Variants in PPP3CA observed in about 807,000 individuals in gnomAD.
PPP3CA encodes the protein protein phosphatase 3 catalytic subunit alpha.
PPP3CA carries 14 observed loss-of-function variants against 66.5 expected under a neutral mutation model. That is an observed-to-expected ratio of 0.21 (90% confidence interval 0.14 to 0.33). The LOEUF (loss-of-function observed/expected upper bound fraction) is 0.33. Among genes scored for constraint, PPP3CA ranks in the 10% least tolerant of loss-of-function variants. PPP3CA has a pLI of 1.00. For missense variants in PPP3CA, 317 were observed against 639.5 expected (o/e 0.50, Z 5.44); for synonymous variants, 232 against 226.2 (o/e 1.03, Z -0.23).
intron 2 of PPP3CA, among the ~76,000 whole-genome samples, chr4:101,128,147 G>A (rs970221939): frequency 6.6e-6 from 1 of 152,162 alleles, no homozygotes; most frequent in Non-Finnish European, 1.5e-5. Flanking sequence ...TGTGCCCTGA[G>A]AGCTAACATA....
At chr4:101,310,551 T>C (rs527927066) in intron 1 of PPP3CA, among the ~76,000 whole-genome samples, 105 of 152,194 alleles carry the variant, frequency 6.9e-4, no homozygotes, top group African/African-American at 2.4e-3. Context: ...GTGTCACCCA[T>C]AGTTCTAGCT....
intron 1 of PPP3CA, among the ~76,000 whole-genome samples, chr4:101,250,955 A>G (rs1726656133): frequency 6.6e-6 from 1 of 152,126 alleles, no homozygotes; most frequent in Non-Finnish European, 1.5e-5. Flanking sequence ...CAAAGGAAAG[A>G]AAAAAAGAAA....
intron 2 of PPP3CA, among the ~76,000 whole-genome samples, chr4:101,185,983 C>T (rs909481788): frequency 1.3e-5 from 2 of 152,158 alleles, no homozygotes; most frequent in South Asian, 2.1e-4. Context: ...GAAATATTAG[C>T]TCCTATCTAA....
chr4:101,129,497 C>A (rs1722358140), intron 2 of PPP3CA, among the ~76,000 whole-genome samples: 1 of 152,170 alleles, frequency 6.6e-6, no homozygotes, highest in African/African-American at 2.4e-5. Context: ...TATAGGAAAG[C>A]TCTGGCTGGC....
chr4:101,130,499 G>C (rs1320193951), intron 2 of PPP3CA, among the ~76,000 whole-genome samples: 2 of 152,172 alleles, frequency 1.3e-5, no homozygotes, highest in South Asian at 2.1e-4. Context: ...AGCAGCCAGA[G>C]AGAATGGTTG....
At chr4:101,333,270 GTTTTTTTTT>G (rs70961788) in intron 1 of PPP3CA, among the ~76,000 whole-genome samples, 2,514 of 47,050 alleles carry the variant, frequency 0.053, 99 homozygotes, top group African/African-American at 0.15. Context: ...ACCATGCCCA[GTTTTTTTTT>G]TTTTTTTTTT....
At chr4:101,174,967 G>A (rs1724011108) in intron 2 of PPP3CA, among the ~76,000 whole-genome samples, 3 of 152,130 alleles carry the variant, frequency 2.0e-5, no homozygotes, top group Non-Finnish European at 1.5e-5. Context: ...CTATAAAGGG[G>A]TGTACTTTGT....
At chr4:101,209,155 T>C (rs1390345434) in intron 1 of PPP3CA, among the ~76,000 whole-genome samples, 1 of 152,144 alleles carries the variant, frequency 6.6e-6, no homozygotes, top group African/African-American at 2.4e-5. Context: ...ATAATAGAGA[T>C]TTTAACAGTC....
intron 2 of PPP3CA, among the ~76,000 whole-genome samples, chr4:101,190,918 A>G (rs143012088): frequency 2.4e-4 from 37 of 152,296 alleles, no homozygotes; most frequent in African/African-American, 8.7e-4. Flanking sequence ...TTTCTTCAGT[A>G]ATGAGCAGGA....
At chr4:101,188,367 A>T (rs1232198816) in intron 2 of PPP3CA, among the ~76,000 whole-genome samples, 6 of 152,006 alleles carry the variant, frequency 3.9e-5, no homozygotes, top group Admixed American at 1.3e-4. Flanking sequence ...TCTATCTAAA[A>T]TTTTTCTTCC....
Position 101,098,357 on chromosome 4 carries a change from C to A in PPP3CA, c.642+10G>T, listed in dbSNP as rs747881117. The A allele has an allele frequency of 6.3e-7, 1 of 1,589,062 alleles. No homozygotes were observed. Among genetic ancestry groups the A allele is most frequent in the Non-Finnish European group, 8.5e-7 (1 of 1,170,618 alleles). On this transcript the variant is annotated intron_variant, in intron 5 of 13. Coordinates refer to ENST00000394854, the MANE Select transcript of PPP3CA (RefSeq NM_000944.5). ...CAAAATGATTAGACTTGGAAAATAA[C>A]AAAACTTACTTTTCTGATATCATCT...
At chr4:101,091,420 T>C (rs1729935826) in intron 6 of PPP3CA, among the ~76,000 whole-genome samples, 1 of 152,170 alleles carries the variant, frequency 6.6e-6, no homozygotes, top group Non-Finnish European at 1.5e-5. Flanking sequence ...ATGGATTCAT[T>C]AAACCACATT....
At chr4:101,049,121 A>G (rs1168373076) in intron 10 of PPP3CA, among the ~76,000 whole-genome samples, 1 of 152,108 alleles carries the variant, frequency 6.6e-6, no homozygotes, top group South Asian at 2.1e-4. Flanking sequence ...TTTCTGTTTA[A>G]TTATAAGTCA....
At chr4:101,119,363 G>C (rs1160765821) in intron 2 of PPP3CA, among the ~76,000 whole-genome samples, 1 of 151,956 alleles carries the variant, frequency 6.6e-6, no homozygotes, top group African/African-American at 2.4e-5. Flanking sequence ...TTTCCAGTTA[G>C]TCTCATTTTC....
intron 2 of PPP3CA, among the ~76,000 whole-genome samples, chr4:101,158,538 G>A (rs987500335): frequency 3.3e-5 from 5 of 152,160 alleles, no homozygotes; most frequent in African/African-American, 9.7e-5. Context: ...TTTGGGCCTC[G>A]GTATCATATT....
intron 1 of PPP3CA, among the ~76,000 whole-genome samples, chr4:101,316,666 T>C (rs1018340224): frequency 5.3e-5 from 8 of 152,116 alleles, no homozygotes; most frequent in Non-Finnish European, 1.2e-4. Flanking sequence ...CAGAAGAAAA[T>C]GCAAATATTG....
intron 8 of PPP3CA, among the ~76,000 whole-genome samples, chr4:101,079,483 A>G (rs1729342058): frequency 6.7e-6 from 1 of 148,542 alleles, no homozygotes; most frequent in Non-Finnish European, 1.5e-5. Flanking sequence ...GGTTCACGCC[A>G]TTCTCCTGCC....
chr4:101,291,556 A>G (rs1728028424), intron 1 of PPP3CA, among the ~76,000 whole-genome samples: 1 of 152,222 alleles, frequency 6.6e-6, no homozygotes, highest in Admixed American at 6.5e-5. Context: ...TAATCCCTGC[A>G]TTATTCACTC....
chr4:101,109,667 A>C (rs1721600817), intron 2 of PPP3CA, among the ~76,000 whole-genome samples: 1 of 151,540 alleles, frequency 6.6e-6, no homozygotes, highest in African/African-American at 2.4e-5. Context: ...AAAAAAAAAA[A>C]AAAAAAACTC....
Sources: gnomAD v4.1 joint callset for allele counts (sites outside exome capture counted in the v4.1 genomes callset) on GRCh38, gnomAD v4.1.1 for gene constraint, MANE v1.5 for transcripts, NCBI Gene and HGNC (gene_info 2026-07-23, HGNC 2026-07-21) for gene names.